ARID4B: variants seen among roughly 807,000 people sequenced by gnomAD.
ARID4B encodes the protein AT-rich interaction domain 4B.
Under a neutral mutation model 147.5 loss-of-function variants are expected in ARID4B, and 26 were observed. The observed-to-expected ratio is 0.18, with a 90% CI of 0.13 to 0.24. The LOEUF is 0.24. ARID4B is among the 10% of genes least tolerant of loss of function. The pLI is 1.00. For missense variants in ARID4B, 1,179 were observed against 1,511.5 expected (o/e 0.78, Z 3.65); for synonymous variants, 512 against 507.9 (o/e 1.01, Z -0.11).
At chr1:235,181,476 A>C in intron 20 of ARID4B, 109 bp downstream of exon 20, 1 of 1,382,348 alleles carries the variant, frequency 7.2e-7, no homozygotes, top group Non-Finnish European at 9.8e-7. Context: ...ATGTTCACAC[A>C]AATATGACAC....
At chr1:235,200,634 G>A (rs1029645414) in intron 17 of ARID4B, among the ~76,000 whole-genome samples, 2 of 148,252 alleles carry the variant, frequency 1.3e-5, no homozygotes, top group Non-Finnish European at 3.0e-5. Context: ...AGAAGCACAG[G>A]CTTCAAAGAA....
intron 2 of ARID4B, among the ~76,000 whole-genome samples, chr1:235,291,800 A>G (rs1405055445): frequency 6.6e-6 from 1 of 152,206 alleles, no homozygotes; most frequent in African/African-American, 2.4e-5. Context: ...TAACACAAAC[A>G]TCTCCCAGAT....
At chr1:235,252,322 G>A (rs576963099) in intron 6 of ARID4B, among the ~76,000 whole-genome samples, 35 of 152,280 alleles carry the variant, frequency 2.3e-4, no homozygotes, top group Non-Finnish European at 2.5e-4. Flanking sequence ...CAGGCAAGAG[G>A]AAAGGGCATA....
intron 23 of ARID4B, among the ~76,000 whole-genome samples, chr1:235,169,574 C>T (rs537177977): frequency 3.3e-5 from 5 of 151,606 alleles, no homozygotes; most frequent in Non-Finnish European, 5.9e-5. Flanking sequence ...CTCACTCTGT[C>T]GCCCAGGCTG....
At chr1:235,327,124 T>A in intron 1 of ARID4B, 156 bp from the exon 2 acceptor site, 1 of 588,800 alleles carries the variant, frequency 1.7e-6, no homozygotes, top group Admixed American at 3.1e-5. Flanking sequence ...CGGGGCTCCC[T>A]CCGGCCCCGC....
At chr1:235,275,577 C>A (rs1671269710) in intron 2 of ARID4B, among the ~76,000 whole-genome samples, 1 of 152,170 alleles carries the variant, frequency 6.6e-6, no homozygotes, top group African/African-American at 2.4e-5. Context: ...TCTTTGGGTA[C>A]CATGAGATGC....
chr1:235,226,057 T>C (rs1667808034), intron 11 of ARID4B, among the ~76,000 whole-genome samples: 1 of 152,240 alleles, frequency 6.6e-6, no homozygotes, highest in Non-Finnish European at 1.5e-5. Context: ...TATTTAACTT[T>C]AATAAACAGC....
chr1:235,293,802 G>A (rs1672494861), intron 2 of ARID4B, among the ~76,000 whole-genome samples: 1 of 151,482 alleles, frequency 6.6e-6, no homozygotes, highest in Non-Finnish European at 1.5e-5. Context: ...TGGTAACTAG[G>A]CATTAAGCAA....
chr1:235,211,178 A>G (rs1349573739), intron 17 of ARID4B, among the ~76,000 whole-genome samples: 1 of 152,196 alleles, frequency 6.6e-6, no homozygotes, highest in Admixed American at 6.5e-5. Context: ...TACTAAAAAT[A>G]CAAAAATTAG....
chr1:235,255,287 C>CTATA (rs558596691), intron 5 of ARID4B, among the ~76,000 whole-genome samples: 25,703 of 136,316 alleles, frequency 0.19, 3,112 homozygotes, highest in South Asian at 0.34. Flanking sequence ...CTCTCTCTCT[C>CTATA]TATATATATA....
chr1:235,230,944 A>T (rs1169266533), intron 10 of ARID4B, among the ~76,000 whole-genome samples, 169 bp downstream of exon 10: 1 of 151,964 alleles, frequency 6.6e-6, no homozygotes, highest in Non-Finnish European at 1.5e-5. Context: ...AAGGAAACTT[A>T]TAACACAGAA....
At chr1:235,298,538 T>C (rs567035724) in intron 2 of ARID4B, among the ~76,000 whole-genome samples, 188 of 148,488 alleles carry the variant, frequency 1.3e-3, no homozygotes, top group African/African-American at 4.5e-3. Flanking sequence ...TATATATCCA[T>C]ATATATGAAT....
chr1:235,283,035 C>CA lies in ARID4B; in HGVS notation c.7-22284dup, dbSNP rs1671763346. Among the ~76,000 whole-genome samples the CA allele has an allele frequency of 2.0e-5, 3 of 152,218 alleles. No homozygotes were observed. The South Asian group carries it at 6.2e-4, about 31-fold the overall frequency. On this transcript the variant is annotated intron_variant, in intron 2 of 23. Coordinates refer to ENST00000264183, the MANE Select transcript of ARID4B (RefSeq NM_016374.6). Reference sequence around the variant, plus strand: ...TTGTGATCCACCTGCCTTGGCCTCCCAAAGTGCTGGGATTACAGGCGTGAG... The same window carrying CA: ...TTGTGATCCACCTGCCTTGGCCTCCCAAAAGTGCTGGGATTACAGGCGTGAG...
At position 235,181,575 on chromosome 1, in the gene ARID4B, T is replaced by G. The variant is rs780153754; in HGVS notation, c.3334+10A>C. On this transcript the variant is annotated intron_variant, in intron 20 of 23. Transcript: ENST00000264183. ...CTAAAATAAGTCAACATACACATTT[T>G]CCTTCTCACCTTTTTCAGGATGTTC... is the stretch of plus-strand genomic sequence containing the variant. The G allele has an allele frequency of 1.9e-6, 3 of 1,608,774 alleles. No homozygotes were observed. The highest frequency in any genetic ancestry group is 2.5e-6 in the Non-Finnish European group (3 of 1,179,036).
intron 2 of ARID4B, among the ~76,000 whole-genome samples, chr1:235,305,241 C>T (rs1460663710): frequency 2.6e-5 from 4 of 152,094 alleles, no homozygotes; most frequent in African/African-American, 9.7e-5. Context: ...GGAAATACAG[C>T]CTCTAGAAGC....
intron 2 of ARID4B, among the ~76,000 whole-genome samples, chr1:235,265,529 T>C (rs868669632): frequency 7.3e-5 from 11 of 151,572 alleles, no homozygotes; most frequent in African/African-American, 2.7e-4. Flanking sequence ...CAAAACCCTG[T>C]TTCTACTAAA....
At chr1:235,276,158 A>T (rs1671299031) in intron 2 of ARID4B, among the ~76,000 whole-genome samples, 1 of 150,368 alleles carries the variant, frequency 6.7e-6, no homozygotes, top group Non-Finnish European at 1.5e-5. Flanking sequence ...AATCTTGACC[A>T]GTAAGAAATA....
At chr1:235,173,759 AAAAAAAAAAAAAATAT>A (rs1195971374) in intron 22 of ARID4B, among the ~76,000 whole-genome samples, 2 of 50,852 alleles carry the variant, frequency 3.9e-5, no homozygotes, top group African/African-American at 1.1e-4. Context: ...AAAAAAAAAA[AAAAAAAAAAAAAATAT>A]ATATATATAT....
chr1:235,204,889 T>G (rs111521597), intron 17 of ARID4B, among the ~76,000 whole-genome samples: 2 of 152,324 alleles, frequency 1.3e-5, no homozygotes, highest in African/African-American at 2.4e-5. Context: ...TAAAGCCCAT[T>G]TGAGTACAAC....
Sources: gnomAD v4.1 joint callset for allele counts (sites outside exome capture counted in the v4.1 genomes callset) on GRCh38, gnomAD v4.1.1 for gene constraint, MANE v1.5 for transcripts, NCBI Gene and HGNC (gene_info 2026-07-23, HGNC 2026-07-21) for gene names.